Variants in SLC47A2 observed in about 807,000 individuals in gnomAD.
SLC47A2 encodes multidrug and toxin extrusion protein 2.
Under a neutral mutation model 67.7 loss-of-function variants are expected in SLC47A2, and 52 were observed. The ratio of observed to expected loss-of-function variants is 0.77; its 90% CI spans 0.61 to 0.97. SLC47A2 has a LOEUF of 0.97. SLC47A2 is among the 50% of genes least tolerant of loss of function. The probability of loss-of-function intolerance (pLI) is 0.00; values close to 1 mark genes in which losing one functional copy is unlikely to be tolerated. For missense variants in SLC47A2, 676 were observed against 712.3 expected (o/e 0.95, Z 0.58); for synonymous variants, 278 against 292.9 (o/e 0.95, Z 0.52).
upstream of SLC47A2, chr17:19,718,118 A>G (rs188859346): frequency 1.3e-5 from 2 of 152,448 alleles, no homozygotes; most frequent in African/African-American, 4.8e-5. Context: ...TACCTCTTCC[A>G]AAAGGGCAGC....
intron 2 of SLC47A2, 121 bp downstream of exon 2, chr17:19,714,992 TGTC>T: frequency 7.8e-7 from 1 of 1,286,814 alleles, no homozygotes; most frequent in Non-Finnish European, 1.1e-6. Flanking sequence ...TGAAGGCAGC[TGTC>T]CAGCCACGTG....
At chr17:19,710,609 TGCCCA>T (rs928217372) in intron 5 of SLC47A2, among the ~76,000 whole-genome samples, 1 of 151,620 alleles carries the variant, frequency 6.6e-6, no homozygotes, top group African/African-American at 2.4e-5. Flanking sequence ...CCCGCCATCA[TGCCCA>T]GCTAATTTTT....
At chr17:19,717,125 C>G (rs1396853722), upstream of SLC47A2, 1 of 153,602 alleles carries the variant, frequency 6.5e-6, no homozygotes, top group Non-Finnish European at 1.4e-5. Context: ...CGGTCCCTAG[C>G]CTTTCATGCT....
In SLC47A2 at chr17:19,685,712, G is replaced by T. The variant is rs1443425824; in HGVS notation, c.1165-4042C>A. ...TAGGAAAACCAGAGACCTTTGTTCT[G>T]GTGTTTATCTGCTGGCCTTCTCTCC... On this transcript the variant is annotated intron_variant, in intron 13 of 16. Transcript: ENST00000433844. This position sits in a 1 kb window ranked among gnomAD's most constrained non-coding sequence, Gnocchi z 4.5. Among the ~76,000 whole-genome samples, 1 of 152,140 alleles carries T rather than the reference G, an allele frequency of 6.6e-6. No homozygotes were observed. The highest frequency in any genetic ancestry group is 1.5e-5 in the Non-Finnish European group (1 of 68,020).
At chr17:19,706,584 A>AG (rs2085941814) in intron 9 of SLC47A2, 64 bp downstream of exon 9, 29 of 1,354,530 alleles carry the variant, frequency 2.1e-5, no homozygotes, top group Non-Finnish European at 2.8e-5. Flanking sequence ...CATCCTGGGG[A>AG]GGGGGCTTCT....
intron 4 of SLC47A2, among the ~76,000 whole-genome samples, chr17:19,712,982 G>A (rs1182834652): frequency 1.3e-5 from 2 of 152,272 alleles, no homozygotes; most frequent in East Asian, 1.9e-4. Flanking sequence ...TCAGAGTAAC[G>A]TGGTTCGTAA....
chr17:19,691,427 A>C (rs755417262), intron 13 of SLC47A2, among the ~76,000 whole-genome samples: 6 of 152,222 alleles, frequency 3.9e-5, no homozygotes, highest in Non-Finnish European at 8.8e-5. Flanking sequence ...ATAAAAAGGA[A>C]TAGGATCCTG....
At chr17:19,715,077 G>A (rs751941184) in intron 2 of SLC47A2, 39 bp downstream of exon 2, 47 of 1,594,136 alleles carry the variant, frequency 2.9e-5, no homozygotes, top group Non-Finnish European at 4.0e-5. Context: ...GAAGCCTGGG[G>A]AGAGAACGTC....
At chr17:19,713,140 A>C (rs1029549238) in intron 4 of SLC47A2, among the ~76,000 whole-genome samples, 1 of 152,214 alleles carries the variant, frequency 6.6e-6, no homozygotes, top group Non-Finnish European at 1.5e-5. Flanking sequence ...CTGTAATCCC[A>C]GCACTTTGGG....
chr17:19,705,609 T>A (rs2085912869), intron 9 of SLC47A2, 106 bp from the exon 10 acceptor site: 3 of 1,064,152 alleles, frequency 2.8e-6, no homozygotes, highest in Non-Finnish European at 3.9e-6. Context: ...TTTTTTTTTT[T>A]TCTTCCTTGA....
intron 16 of SLC47A2, 33 bp downstream of exon 16, chr17:19,679,919 G>A: frequency 3.7e-6 from 6 of 1,601,446 alleles, no homozygotes; most frequent in African/African-American, 1.3e-5. Context: ...ATTTATATGT[G>A]TACCAAAGTA....
At chr17:19,692,025 C>T (rs533799395) in intron 13 of SLC47A2, among the ~76,000 whole-genome samples, 18 of 152,046 alleles carry the variant, frequency 1.2e-4, no homozygotes, top group South Asian at 4.1e-4. Flanking sequence ...GTCAGGAATT[C>T]GAGACCAGCC....
chr17:19,688,851 C>G (rs1181597813), intron 13 of SLC47A2, among the ~76,000 whole-genome samples: 1 of 149,710 alleles, frequency 6.7e-6, no homozygotes, highest in Non-Finnish European at 1.5e-5. Flanking sequence ...AGTCACTGTG[C>G]CCCGCTGGTG....
At chr17:19,710,519 C>T (rs532994592) in intron 5 of SLC47A2, among the ~76,000 whole-genome samples, 1 of 151,880 alleles carries the variant, frequency 6.6e-6, no homozygotes, top group South Asian at 2.1e-4. Flanking sequence ...GTGACACAAT[C>T]TCGGCTCACT....
intron 3 of SLC47A2, chr17:19,714,438 A>C: frequency 7.7e-6 from 4 of 521,812 alleles, no homozygotes; most frequent in Non-Finnish European, 1.4e-5. Context: ...AGGCTGGGGA[A>C]CCGGTTGTCT....
intron 13 of SLC47A2, among the ~76,000 whole-genome samples, chr17:19,683,628 C>T (rs2085360796): frequency 6.6e-6 from 1 of 152,196 alleles, no homozygotes; most frequent in Non-Finnish European, 1.5e-5. Context: ...CCACATGTTC[C>T]TGGACAATGG....
chr17:19,704,610 C>T, intron 10 of SLC47A2: 1 of 1,489,266 alleles, frequency 6.7e-7, no homozygotes, highest in Admixed American at 2.4e-5. Flanking sequence ...TTTGTGACTC[C>T]TTTGCTTAAA....
intron 13 of SLC47A2, 114 bp from the exon 14 acceptor site, chr17:19,681,784 C>T: frequency 7.5e-7 from 1 of 1,333,870 alleles, no homozygotes; most frequent in Non-Finnish European, 1.0e-6. Flanking sequence ...TGAGTTCTCA[C>T]AGCACTGGAT....
At chr17:19,690,536 T>TGATG (rs2085516724) in intron 13 of SLC47A2, among the ~76,000 whole-genome samples, 2 of 152,198 alleles carry the variant, frequency 1.3e-5, no homozygotes, top group Admixed American at 1.3e-4. Context: ...GATGAGAGAT[T>TGATG]AATAACCAGA....
Sources: allele counts gnomAD v4.1 joint callset (sites outside exome capture counted in the v4.1 genomes callset), GRCh38; gene constraint gnomAD v4.1.1; non-coding constraint Gnocchi (gnomAD v3.1); transcripts MANE v1.5; gene names NCBI Gene and HGNC (gene_info 2026-07-23, HGNC 2026-07-21).